KIF24: variants seen among roughly 807,000 people sequenced by gnomAD.
KIF24 encodes kinesin-like protein KIF24.
A neutral mutation model predicts 118.9 loss-of-function variants in KIF24; 81 were observed. The ratio of observed to expected loss-of-function variants is 0.68; its 90% CI spans 0.57 to 0.82. The LOEUF (loss-of-function observed/expected upper bound fraction) is 0.82. Ranked by LOEUF, KIF24 falls within the 40% of genes least tolerant of loss-of-function variation. KIF24 has a pLI of 0.00. For synonymous variants in KIF24, 599 were observed against 610.0 expected, an observed-to-expected ratio of 0.98 and a Z score of 0.27; for missense variants, 1,560 against 1,661.6, an observed-to-expected ratio of 0.94 and a Z score of 1.06.
At chr9:34,280,735 C>G (rs906785628) in intron 6 of KIF24, among the ~76,000 whole-genome samples, 10 of 152,110 alleles carry the variant, frequency 6.6e-5, no homozygotes, top group Non-Finnish European at 1.3e-4. Flanking sequence ...GTTTTGGATC[C>G]CAGGACCCAG....
At chr9:34,269,626 A>G (rs1007002678) in intron 7 of KIF24, among the ~76,000 whole-genome samples, 4 of 151,958 alleles carry the variant, frequency 2.6e-5, no homozygotes, top group Non-Finnish European at 5.9e-5. Context: ...TCACCGTGTT[A>G]GCCAGGATGG....
At chr9:34,264,267 CA>C (rs202078245) in intron 8 of KIF24, among the ~76,000 whole-genome samples, 4,801 of 139,232 alleles carry the variant, frequency 0.034, 235 homozygotes, top group African/African-American at 0.12. Flanking sequence ...ACTAAAAATA[CA>C]AAAAAAAAAA....
intron 3 of KIF24, among the ~76,000 whole-genome samples, chr9:34,302,245 G>A (rs1046782782): frequency 7.3e-5 from 11 of 151,656 alleles, no homozygotes; most frequent in Non-Finnish European, 1.3e-4. Context: ...CCACGGCCTC[G>A]GCCTCCCAAA....
In KIF24 at chr9:34,310,952, G is replaced by C; in HGVS notation, c.395C>G (p.Thr132Ser). 2.5e-6 allele frequency: 4 copies of C among 1,613,924 alleles called. No homozygotes were observed. Among genetic ancestry groups the C allele is most frequent in the Non-Finnish European group, 2.5e-6 (3 of 1,179,824 alleles). Residue 132 changes from threonine (T) to serine (S), a missense_variant, in exon 2 of 13, where the codon ACT becomes AGT. Around this residue, in one of 3 missense-constraint regions of KIF24, gnomAD observed 964 missense variants for 988.0 expected, o/e 0.98. Coordinates refer to ENST00000402558, the MANE Select transcript of KIF24 (RefSeq NM_194313.4). ...SDFSANEQKS[T>S]YLKVLEHMLP... Reference sequence around the variant, plus strand: ...CATGTGTTCTAGCACTTTTAGGTAAGTGGACTTCTGTTCATTTGCAGAGAA... The same window carrying C: ...CATGTGTTCTAGCACTTTTAGGTAACTGGACTTCTGTTCATTTGCAGAGAA...
chr9:34,262,621 A>G (rs1307789528), intron 9 of KIF24, among the ~76,000 whole-genome samples: 1 of 127,120 alleles, frequency 7.9e-6, no homozygotes, highest in East Asian at 2.4e-4. Flanking sequence ...AGCCTAGGCA[A>G]CATGGTGAAA....
Position 34,257,255 on chromosome 9 carries a change from T to C in KIF24, c.2352A>G (p.Gln784=), listed in dbSNP as rs1023549228. 5.0e-6 allele frequency: 8 copies of C among 1,613,976 alleles called. No individual in the cohort carries two copies. The South Asian group carries it at 5.5e-5, about 11-fold the overall frequency. Residue 784 remains glutamine, a synonymous_variant, in exon 11 of 13, where the codon CAA becomes CAG. Coordinates refer to ENST00000402558, the MANE Select transcript of KIF24 (RefSeq NM_194313.4). ...PPLLQQKLKY[Q]PLKRSLRQYR... ...ACTGGCGTAAAGACCTTTTCAGTGG[T>C]TGGTATTTTAACTTCTGTTGGAGGA...
intron 1 of KIF24, among the ~76,000 whole-genome samples, chr9:34,324,623 A>G (rs1225030424): frequency 1.3e-5 from 2 of 152,334 alleles, no homozygotes; most frequent in Non-Finnish European, 1.5e-5. Context: ...GAAAGCAGTT[A>G]TAACAATGCT....
chr9:34,298,145 C>T (rs1105655), intron 3 of KIF24, among the ~76,000 whole-genome samples: 71,900 of 151,628 alleles, frequency 0.47, 19,936 homozygotes, highest in South Asian at 0.64. Flanking sequence ...GAAGTATGAA[C>T]AGAGTCAAAG....
intron 6 of KIF24, among the ~76,000 whole-genome samples, chr9:34,280,709 C>T (rs1485996576): frequency 2.0e-5 from 3 of 152,146 alleles, no homozygotes; most frequent in African/African-American, 4.8e-5. Context: ...CAGACACACT[C>T]GGGCGCTATA....
chr9:34,332,035 C>A (rs1439014953), upstream of KIF24, among the ~76,000 whole-genome samples: 1 of 152,212 alleles, frequency 6.6e-6, no homozygotes, highest in African/African-American at 2.4e-5. Context: ...TGGTCTGTTG[C>A]AATAGACTTG....
Position 34,306,347 on chromosome 9 carries a change from G to A in KIF24, c.718C>T (p.Arg240Cys), listed in dbSNP as rs780769264. Residue 240 changes from arginine to cysteine, a missense_variant, in exon 3 of 13, where the codon CGT becomes TGT. Arg to Cys is a radical substitution (Grantham distance 180). Around this residue, in one of 3 missense-constraint regions of KIF24, gnomAD observed 964 missense variants for 988.0 expected, o/e 0.98. Transcript: ENST00000402558. ...ACAGTAATAATATTAATTTCTCCAC[G>A]ACGTACCTCCCTCATGCCCAGGGGG... Reference protein sequence around the residue: ...KRPLGMREVRRGEINIITVED... With the variant: ...KRPLGMREVRCGEINIITVED... 36 of 1,609,872 alleles carry A rather than the reference G, an allele frequency of 2.2e-5. No individual in the cohort carries two copies. The highest frequency in any genetic ancestry group is 1.5e-4 in the Admixed American group (9 of 59,974).
At chr9:34,296,556 C>T (rs1012688894) in intron 4 of KIF24, among the ~76,000 whole-genome samples, 4 of 151,794 alleles carry the variant, frequency 2.6e-5, no homozygotes, top group East Asian at 3.9e-4. Context: ...AAAAATACAT[C>T]TATGAAAAAT....
chr9:34,261,233 T>C (rs564416507), intron 9 of KIF24, among the ~76,000 whole-genome samples: 4 of 152,240 alleles, frequency 2.6e-5, no homozygotes, highest in Non-Finnish European at 4.4e-5. Context: ...AAAAATCTTC[T>C]CCTAGACATC....
intron 1 of KIF24, among the ~76,000 whole-genome samples, chr9:34,311,658 A>ATG (rs1434045989): frequency 3.0e-5 from 3 of 100,696 alleles, no homozygotes; most frequent in Non-Finnish European, 6.6e-5. Flanking sequence ...ATACGTGTAT[A>ATG]TACATATATA....
rs1321053466 is a variant in KIF24 at position 34,318,713 on chromosome 9, G to A, written c.-25-7342C>T. ...AGTGCTGAGTGCCAAGCAGCTGAGC[G>A]ACGAGGAGGTGCACGCCGGCGTGGG... On this transcript the variant is annotated intron_variant, in intron 1 of 12. Transcript: ENST00000402558. The surrounding 1 kb of genome is among the most constrained non-coding windows in gnomAD (Gnocchi z 4.9). 2.0e-6 allele frequency: 3 copies of A among 1,507,604 alleles called. No homozygotes were observed. The highest frequency in any genetic ancestry group is 2.3e-5 in the East Asian group (1 of 42,888). 93.4% of individuals were successfully genotyped at this position (1,507,604 alleles called of 1,614,324 possible). A position where few individuals can be genotyped will look rare whatever the true frequency, so the allele number is the denominator to read the frequency against.
At chr9:34,309,348 T>C (rs1025539207) in intron 2 of KIF24, among the ~76,000 whole-genome samples, 1 of 152,084 alleles carries the variant, frequency 6.6e-6, no homozygotes, top group Non-Finnish European at 1.5e-5. Flanking sequence ...AAGACCATCC[T>C]GGCTAACATG....
At chr9:34,311,450 C>A (rs957726559) in intron 1 of KIF24, 79 bp from the exon 2 acceptor site, 16 of 654,040 alleles carry the variant, frequency 2.4e-5, no homozygotes, top group African/African-American at 3.7e-5. Context: ...TTGAAAACCA[C>A]AAAACCACAA....
intron 1 of KIF24, among the ~76,000 whole-genome samples, chr9:34,314,932 G>C (rs982692951): frequency 6.6e-6 from 1 of 152,180 alleles, no homozygotes; most frequent in Non-Finnish European, 1.5e-5. Context: ...GTAAAAGAGA[G>C]AGATAAATGA....
intron 1 of KIF24, among the ~76,000 whole-genome samples, chr9:34,323,644 A>G (rs1185415635): frequency 2.0e-5 from 3 of 152,252 alleles, no homozygotes; most frequent in Non-Finnish European, 4.4e-5. Context: ...TCAGAAAAAT[A>G]ACTGTTACAA....
Sources: allele counts gnomAD v4.1 joint callset (sites outside exome capture counted in the v4.1 genomes callset), GRCh38; gene constraint gnomAD v4.1.1; regional missense constraint gnomAD v4.1.1; non-coding constraint Gnocchi (gnomAD v3.1); transcripts MANE v1.5; gene names NCBI Gene and HGNC (gene_info 2026-07-23, HGNC 2026-07-21).